The following PARD3 variants were observed in gnomAD, a reference collection of about 807,000 sequenced individuals.
The protein encoded by PARD3 is partitioning defective 3 homolog.
A neutral mutation model predicts 155.4 loss-of-function variants in PARD3; 75 were observed. That is an observed-to-expected ratio of 0.48 (90% confidence interval 0.40 to 0.58). PARD3 has a LOEUF of 0.58. Among genes scored for constraint, PARD3 ranks in the 20% least tolerant of loss-of-function variants. The pLI is 0.00. For synonymous variants in PARD3, 576 were observed against 610.5 expected (o/e 0.94, Z 0.83); for missense variants, 1,642 against 1,721.7 (o/e 0.95, Z 0.82).
chr10:34,671,251 C>T (rs2093605640), intron 2 of PARD3, among the ~76,000 whole-genome samples: 4 of 152,184 alleles, frequency 2.6e-5, no homozygotes, highest in African/African-American at 9.7e-5. Context: ...AAATAGTTAA[C>T]TGCTTTCTGC....
intron 22 of PARD3, among the ~76,000 whole-genome samples, chr10:34,189,293 G>T (rs1019927917): frequency 3.9e-5 from 6 of 152,238 alleles, no homozygotes; most frequent in Non-Finnish European, 8.8e-5. Context: ...CAGTGCCACT[G>T]CACTGCAGCC....
intron 2 of PARD3, among the ~76,000 whole-genome samples, chr10:34,677,504 T>C (rs915741213): frequency 1.3e-5 from 2 of 150,538 alleles, no homozygotes; most frequent in African/African-American, 2.4e-5. Flanking sequence ...GAAAAGAAAC[T>C]AAAACTGCAA....
chr10:34,230,234 G>A (rs1197152595), intron 22 of PARD3, among the ~76,000 whole-genome samples: 1 of 151,980 alleles, frequency 6.6e-6, no homozygotes, highest in African/African-American at 2.4e-5. Context: ...CAGAAATCAG[G>A]AAAGCCTCAA....
intron 2 of PARD3, among the ~76,000 whole-genome samples, chr10:34,636,176 G>A (rs61841123): frequency 0.032 from 4,839 of 152,240 alleles, 106 homozygotes; most frequent in Non-Finnish European, 0.046. Flanking sequence ...ATAGATTTAC[G>A]CATTTGCATG....
At chr10:34,268,968 GATAA>G (rs1955478293) in intron 22 of PARD3, among the ~76,000 whole-genome samples, 3 of 152,066 alleles carry the variant, frequency 2.0e-5, no homozygotes, top group Admixed American at 2.0e-4. Context: ...ACAAATAACA[GATAA>G]ATAAATACTG....
intron 2 of PARD3, among the ~76,000 whole-genome samples, chr10:34,573,752 C>T (rs12252116): frequency 7.5e-6 from 1 of 133,608 alleles, no homozygotes; most frequent in Non-Finnish European, 1.6e-5. Context: ...CACACACACA[C>T]ACACACACAC....
intron 22 of PARD3, among the ~76,000 whole-genome samples, chr10:34,206,713 C>A (rs1951497385): frequency 6.6e-6 from 1 of 152,118 alleles, no homozygotes; most frequent in South Asian, 2.1e-4. Flanking sequence ...TTACAAATTT[C>A]TAGAAAAAGG....
chr10:34,319,456 T>A (rs1958243231), intron 19 of PARD3, among the ~76,000 whole-genome samples: 1 of 152,220 alleles, frequency 6.6e-6, no homozygotes, highest in Admixed American at 6.5e-5. Context: ...GCCATTGTCT[T>A]CCTCCAAAGG....
intron 22 of PARD3, among the ~76,000 whole-genome samples, chr10:34,246,960 G>A (rs1033660371): frequency 5.9e-5 from 9 of 152,274 alleles, no homozygotes; most frequent in African/African-American, 2.2e-4. Flanking sequence ...GGTGGTGCAT[G>A]CCTGTAGTCC....
At chr10:34,462,112 A>C (rs917356488) in intron 4 of PARD3, among the ~76,000 whole-genome samples, 1 of 152,256 alleles carries the variant, frequency 6.6e-6, no homozygotes, top group Non-Finnish European at 1.5e-5. Context: ...GAAGGGTAAA[A>C]TTTATAGTTA....
intron 22 of PARD3, among the ~76,000 whole-genome samples, chr10:34,227,568 G>T (rs1350938758): frequency 6.6e-6 from 1 of 152,172 alleles, no homozygotes; most frequent in Non-Finnish European, 1.5e-5. Flanking sequence ...AACCCGGGAG[G>T]CAGAGGTTGC....
chr10:34,468,455 C>T (rs1009516112), intron 4 of PARD3, among the ~76,000 whole-genome samples: 9 of 152,140 alleles, frequency 5.9e-5, no homozygotes, highest in African/African-American at 2.2e-4. Flanking sequence ...CTTGTTTACA[C>T]ATTTGTGAAT....
At chr10:34,130,630 G>A (rs188800889) in intron 23 of PARD3, among the ~76,000 whole-genome samples, 187 of 152,304 alleles carry the variant, frequency 1.2e-3, no homozygotes, top group African/African-American at 4.1e-3. Flanking sequence ...TCTCTAGGGT[G>A]AGACACAAGA....
intron 5 of PARD3, among the ~76,000 whole-genome samples, chr10:34,441,055 T>C (rs563349398): frequency 6.6e-6 from 1 of 152,292 alleles, no homozygotes; most frequent in East Asian, 1.9e-4. Context: ...AATTTTATTC[T>C]AATTCTGAGA....
At chr10:34,440,856 G>A in intron 5 of PARD3, among the ~76,000 whole-genome samples, 1 of 151,928 alleles carries the variant, frequency 6.6e-6, no homozygotes, top group East Asian at 1.9e-4. Context: ...TGGTCAAGCA[G>A]AAGCTCTCAT....
At chr10:34,727,617 T>C (rs75299462) in intron 1 of PARD3, among the ~76,000 whole-genome samples, 5,573 of 152,154 alleles carry the variant, frequency 0.037, 361 homozygotes, top group African/African-American at 0.13. Context: ...CAAGTTTATA[T>C]ACATAATGAT....
At chr10:34,287,070 T>C (rs745478364) in intron 20 of PARD3, among the ~76,000 whole-genome samples, 2 of 151,940 alleles carry the variant, frequency 1.3e-5, no homozygotes, top group African/African-American at 4.8e-5. Flanking sequence ...GGTGAAGATA[T>C]CATAACGGCA....
At chr10:34,642,106 C>T (rs2092696816) in intron 2 of PARD3, among the ~76,000 whole-genome samples, 1 of 152,052 alleles carries the variant, frequency 6.6e-6, no homozygotes, top group South Asian at 2.1e-4. Flanking sequence ...AGCACGGCCC[C>T]TGTCCACCCT....
At chr10:34,528,685 G>C (rs948887420) in intron 2 of PARD3, among the ~76,000 whole-genome samples, 10 of 152,300 alleles carry the variant, frequency 6.6e-5, no homozygotes, top group African/African-American at 2.4e-4. Context: ...AGGGGAAGAT[G>C]AAAGACAACT....
Sources: gnomAD v4.1 joint callset for allele counts (sites outside exome capture counted in the v4.1 genomes callset) on GRCh38, gnomAD v4.1.1 for gene constraint, MANE v1.5 for transcripts, NCBI Gene and HGNC (gene_info 2026-07-23, HGNC 2026-07-21) for gene names.